The following HEMK2 variants were observed in gnomAD, a reference collection of about 807,000 sequenced individuals.
HEMK2 encodes the protein HemK methyltransferase 2, ETF1 glutamine and histone H4 lysine.
chr21:28,580,167 G>C, the HEMK2 span, among the ~76,000 whole-genome samples: 481 of 152,250 alleles, frequency 3.2e-3, 1 homozygote, highest in Admixed American at 5.8e-3. Flanking sequence ...TGAGCTGGTG[G>C]GAAGCAGTGT....
At chr21:28,641,929 C>T in the HEMK2 span, among the ~76,000 whole-genome samples, 1 of 152,204 alleles carries the variant, frequency 6.6e-6, no homozygotes, top group South Asian at 2.1e-4. Flanking sequence ...GATAAATTCT[C>T]TCCCACAAGA....
At chr21:28,772,438 C>T in the HEMK2 span, among the ~76,000 whole-genome samples, 2 of 152,044 alleles carry the variant, frequency 1.3e-5, no homozygotes, top group African/African-American at 2.4e-5. Context: ...GTCTTAATGC[C>T]GTAAGATTTA....
At chr21:28,876,840 CA>C in the HEMK2 span, among the ~76,000 whole-genome samples, 1 of 151,898 alleles carries the variant, frequency 6.6e-6, no homozygotes, top group African/African-American at 2.4e-5. Context: ...CTTTGGATGA[CA>C]AAAGCCAATG....
chr21:28,830,646 G>C, the HEMK2 span, among the ~76,000 whole-genome samples: 1 of 152,208 alleles, frequency 6.6e-6, no homozygotes, highest in Non-Finnish European at 1.5e-5. Context: ...GGGAGACCAA[G>C]GTGGGCAGAT....
the HEMK2 span, among the ~76,000 whole-genome samples, chr21:28,754,924 G>A: frequency 4.6e-5 from 7 of 152,204 alleles, no homozygotes; most frequent in Admixed American, 4.6e-4. Flanking sequence ...CAAGAAGCAA[G>A]AGCTAGGGAG....
the HEMK2 span, among the ~76,000 whole-genome samples, chr21:28,863,422 AT>A: frequency 7.6e-5 from 1 of 13,088 alleles, no homozygotes; most frequent in Admixed American, 5.0e-4. Context: ...ATATATATAT[AT>A]ATATATATAT....
chr21:28,741,556 CA>C, the HEMK2 span, among the ~76,000 whole-genome samples: 41,558 of 151,996 alleles, frequency 0.27, 6,081 homozygotes, highest in East Asian at 0.52. Flanking sequence ...CTGCCACCCA[CA>C]ACCCTCCACT....
the HEMK2 span, among the ~76,000 whole-genome samples, chr21:28,607,155 A>C: frequency 2.0e-5 from 3 of 152,170 alleles, no homozygotes; most frequent in Admixed American, 6.5e-5. Flanking sequence ...TCATGCCTGT[A>C]ATCCTAGAAC....
At chr21:28,581,508 A>G in the HEMK2 span, among the ~76,000 whole-genome samples, 1 of 152,174 alleles carries the variant, frequency 6.6e-6, no homozygotes, top group Non-Finnish European at 1.5e-5. Context: ...ACCCTGGGTT[A>G]CATACCTCAA....
the HEMK2 span, among the ~76,000 whole-genome samples, chr21:28,656,821 G>A: frequency 6.6e-6 from 1 of 152,002 alleles, no homozygotes; most frequent in Non-Finnish European, 1.5e-5. Flanking sequence ...GAAAGACCAA[G>A]GGTCAAATCT....
At chr21:28,869,647 G>A in the HEMK2 span, among the ~76,000 whole-genome samples, 6 of 152,078 alleles carry the variant, frequency 3.9e-5, no homozygotes, top group Admixed American at 1.3e-4. Flanking sequence ...CCATATCCAC[G>A]CTGACTTAGA....
At chr21:28,608,030 G>A in the HEMK2 span, among the ~76,000 whole-genome samples, 3 of 152,142 alleles carry the variant, frequency 2.0e-5, no homozygotes, top group Non-Finnish European at 4.4e-5. Flanking sequence ...TTATGTTGAC[G>A]ATATTGAGGA....
the HEMK2 span, among the ~76,000 whole-genome samples, chr21:28,784,037 C>T: frequency 6.6e-6 from 1 of 152,202 alleles, no homozygotes; most frequent in Admixed American, 6.5e-5. Flanking sequence ...CTGAGCCTCC[C>T]CCCACGGCGG....
At chr21:28,823,219 C>T in the HEMK2 span, among the ~76,000 whole-genome samples, 2 of 152,088 alleles carry the variant, frequency 1.3e-5, no homozygotes, top group Admixed American at 6.5e-5. Flanking sequence ...GCCAAGTTGA[C>T]AATTTTATAT....
the HEMK2 span, among the ~76,000 whole-genome samples, chr21:28,744,661 G>T: frequency 6.6e-6 from 1 of 152,158 alleles, no homozygotes; most frequent in Admixed American, 6.5e-5. Context: ...CCTGCCATGT[G>T]TGAGGCTTGA....
At chr21:28,815,059 G>T in the HEMK2 span, among the ~76,000 whole-genome samples, 5 of 152,078 alleles carry the variant, frequency 3.3e-5, no homozygotes, top group Admixed American at 2.0e-4. Context: ...CATAAAAAAT[G>T]ATGAGTTCAT....
chr21:28,682,666 T>C, the HEMK2 span, among the ~76,000 whole-genome samples: 1 of 152,130 alleles, frequency 6.6e-6, no homozygotes, highest in East Asian at 1.9e-4. Context: ...TGTCCAACAA[T>C]GATAGACTGG....
chr21:28,763,465 T>C, the HEMK2 span, among the ~76,000 whole-genome samples: 7 of 152,080 alleles, frequency 4.6e-5, no homozygotes, highest in Non-Finnish European at 1.0e-4. Context: ...ACCAAGGGGA[T>C]GGTGCTAAGC....
the HEMK2 span, among the ~76,000 whole-genome samples, chr21:28,588,446 CAA>C: frequency 1.2e-4 from 18 of 152,276 alleles, no homozygotes; most frequent in East Asian, 3.3e-3. Context: ...CTGAAAATTT[CAA>C]AGTTTGTCAT....
Sources: gnomAD v4.1 joint callset for allele counts (sites outside exome capture counted in the v4.1 genomes callset) on GRCh38, gnomAD v4.1.1 for gene constraint, MANE v1.5 for transcripts, NCBI Gene and HGNC (gene_info 2026-07-23, HGNC 2026-07-21) for gene names.